The following SSBP2 variants were observed in gnomAD, a reference collection of about 807,000 sequenced individuals.
SSBP2 encodes single stranded DNA binding protein 2.
Under a neutral mutation model 61.8 loss-of-function variants are expected in SSBP2, and 17 were observed. That is an observed-to-expected ratio of 0.28 (90% confidence interval 0.19 to 0.41). The LOEUF is 0.41. SSBP2 is among the 10% of genes least tolerant of loss of function. The pLI is 1.00. For synonymous variants in SSBP2, 139 were observed against 141.3 expected (o/e 0.98, Z 0.12); for missense variants, 310 against 458.7 (o/e 0.68, Z 2.96).
chr5:81,556,691 G>A (rs1049713615), intron 4 of SSBP2, among the ~76,000 whole-genome samples: 5 of 151,928 alleles, frequency 3.3e-5, no homozygotes, highest in African/African-American at 7.3e-5. Flanking sequence ...TTCATCCCTT[G>A]CCTTGCTTAA....
chr5:81,626,563 T>A (rs1266394402), intron 3 of SSBP2, among the ~76,000 whole-genome samples: 2 of 152,250 alleles, frequency 1.3e-5, no homozygotes, highest in African/African-American at 4.8e-5. Context: ...TCCAGCAGTC[T>A]GAGCAGCATC....
intron 4 of SSBP2, among the ~76,000 whole-genome samples, chr5:81,575,193 G>A (rs1445848260): frequency 7.9e-5 from 12 of 152,130 alleles, no homozygotes; most frequent in Admixed American, 1.3e-4. Flanking sequence ...ACTTGAACTC[G>A]GGAGGTGGAG....
intron 4 of SSBP2, among the ~76,000 whole-genome samples, chr5:81,532,281 T>C (rs547024490): frequency 6.6e-5 from 10 of 152,266 alleles, no homozygotes; most frequent in African/African-American, 2.2e-4. Context: ...AATTAATTTT[T>C]GTTTTAAAAC....
chr5:81,480,396 GGT>G (rs1765897425), intron 6 of SSBP2, among the ~76,000 whole-genome samples: 1 of 152,146 alleles, frequency 6.6e-6, no homozygotes, highest in South Asian at 2.1e-4. Context: ...TAGTCTATTA[GGT>G]GTGCAATAGC....
intron 9 of SSBP2, among the ~76,000 whole-genome samples, chr5:81,465,476 T>G (rs1045377424): frequency 2.0e-5 from 3 of 151,954 alleles, no homozygotes; most frequent in African/African-American, 7.2e-5. Flanking sequence ...AGAAACAATT[T>G]TTTTCTCTGA....
At chr5:81,729,267 A>C (rs1756098739) in intron 1 of SSBP2, among the ~76,000 whole-genome samples, 2 of 152,206 alleles carry the variant, frequency 1.3e-5, no homozygotes, top group African/African-American at 4.8e-5. Context: ...TAAAAAGTTC[A>C]TCTGAACTAG....
At position 81,532,143 on chromosome 5, in the gene SSBP2, C is replaced by T. The variant is rs149761517; in HGVS notation, c.283-18426G>A. ...GAGCCAAGTTTATGTTGGAAATGTACACCTAAAAGGAAAAAGTTTATTTGA... is the reference window on the plus strand; with the variant it reads ...GAGCCAAGTTTATGTTGGAAATGTATACCTAAAAGGAAAAAGTTTATTTGA... On this transcript the variant is annotated intron_variant, in intron 4 of 16. Coordinates refer to ENST00000320672, the MANE Select transcript of SSBP2 (RefSeq NM_012446.5). 6.6e-4 allele frequency among the ~76,000 whole-genome samples: 101 copies of T among 152,080 alleles called. 1 individual carries two copies. In the East Asian group the frequency reaches 0.015, roughly 22 times the overall value.
At chr5:81,543,956 A>G (rs957008583) in intron 4 of SSBP2, among the ~76,000 whole-genome samples, 1 of 152,222 alleles carries the variant, frequency 6.6e-6, no homozygotes, top group Admixed American at 6.5e-5. Flanking sequence ...ATAATTATAA[A>G]CAATAATCTA....
At chr5:81,696,612 C>T (rs1753618220) in intron 1 of SSBP2, among the ~76,000 whole-genome samples, 1 of 152,158 alleles carries the variant, frequency 6.6e-6, no homozygotes, top group Non-Finnish European at 1.5e-5. Flanking sequence ...GTTGTTAGTT[C>T]TGGAGTTCAA....
At chr5:81,423,601 C>G (rs1761750522) in intron 16 of SSBP2, among the ~76,000 whole-genome samples, 1 of 152,048 alleles carries the variant, frequency 6.6e-6, no homozygotes, top group South Asian at 2.1e-4. Flanking sequence ...AAAAGTTAGC[C>G]AGGCGAGGTG....
intron 1 of SSBP2, among the ~76,000 whole-genome samples, chr5:81,651,080 T>A (rs1489382025): frequency 4.6e-5 from 7 of 152,154 alleles, no homozygotes; most frequent in African/African-American, 7.2e-5. Flanking sequence ...AGCTACACCA[T>A]GTGGCTCAAT....
rs1285040774 is a variant in SSBP2 at position 81,521,736 on chromosome 5, G to A, written c.283-8019C>T. On this transcript the variant is annotated intron_variant, in intron 4 of 16. Coordinates refer to ENST00000320672, the MANE Select transcript of SSBP2 (RefSeq NM_012446.5). ...AATAATGTGAACCTTTCCAATGTTC[G>A]TACTTAGTTTCTTTTTTGTTGTAAT... Among the ~76,000 whole-genome samples the A allele has an allele frequency of 3.9e-5, 6 of 151,932 alleles. No individual in the cohort carries two copies. In the East Asian group the frequency reaches 7.7e-4, roughly 20 times the overall value.
Position 81,564,254 on chromosome 5 carries a change from T to C in SSBP2, c.283-50537A>G, listed in dbSNP as rs187863432. On this transcript the variant is annotated intron_variant, in intron 4 of 16. Transcript: ENST00000320672. ...AAAAAGGCAAAAGTGTTGATGAGGA[T>C]AGGGAGAAACTGGAACCCTTGCACA... Among the ~76,000 whole-genome samples, 488 of 152,144 alleles carry C rather than the reference T, an allele frequency of 3.2e-3. 14 individuals are homozygous for C. Among genetic ancestry groups the C allele is most frequent in the Admixed American group, 0.029 (444 of 15,270 alleles).
chr5:81,738,521 G>A (rs555694259), intron 1 of SSBP2, among the ~76,000 whole-genome samples: 7 of 152,134 alleles, frequency 4.6e-5, no homozygotes, highest in South Asian at 2.1e-4. Flanking sequence ...CTTCTCCATC[G>A]CTAGGTCTTA....
chr5:81,510,103 G>A (rs1004278703), intron 5 of SSBP2, among the ~76,000 whole-genome samples: 3 of 151,954 alleles, frequency 2.0e-5, no homozygotes, highest in Admixed American at 6.6e-5. Context: ...CTTTCTCCCT[G>A]GACAATTCAT....
At chr5:81,465,593 G>T (rs1048577269) in intron 9 of SSBP2, among the ~76,000 whole-genome samples, 2 of 151,958 alleles carry the variant, frequency 1.3e-5, no homozygotes, top group Non-Finnish European at 2.9e-5. Context: ...ATTCTGGGGT[G>T]ATCATAGTAT....
intron 15 of SSBP2, among the ~76,000 whole-genome samples, chr5:81,430,165 G>A (rs1041965540): frequency 6.6e-6 from 1 of 152,028 alleles, no homozygotes; most frequent in East Asian, 1.9e-4. Flanking sequence ...ACTGTACCTT[G>A]AAAACAGGAA....
At chr5:81,723,706 G>A (rs959222040) in intron 1 of SSBP2, among the ~76,000 whole-genome samples, 11 of 151,874 alleles carry the variant, frequency 7.2e-5, no homozygotes, top group African/African-American at 2.7e-4. Context: ...CAATTATTGA[G>A]CTACATCTCA....
Position 81,428,601 on chromosome 5 carries a change from G to T in SSBP2, c.1040C>A (p.Pro347His), listed in dbSNP as rs1374493345. 2 of 1,612,644 alleles carry T rather than the reference G, an allele frequency of 1.2e-6. No individual in the cohort carries two copies. Among genetic ancestry groups the T allele is most frequent in the Middle Eastern group, 1.7e-4 (1 of 6,060 alleles). Reference sequence around the variant, plus strand: ...AATACTTACACTCTCACTCTGAAAAGGATTTAAGAAATTTCCCCCCATTTC... The same window carrying T: ...AATACTTACACTCTCACTCTGAAAATGATTTAAGAAATTTCCCCCCATTTC... Residue 347 changes from proline (P) to histidine (H), a missense_variant, in exon 16 of 17, where the codon CCT becomes CAT. Pro to His is a moderately conservative substitution (Grantham distance 77). Around this residue, in one of 4 missense-constraint regions of SSBP2, gnomAD observed 44 missense variants for 86.2 expected, o/e 0.51. Transcript: ENST00000320672.
Sources: gnomAD v4.1 joint callset for allele counts (sites outside exome capture counted in the v4.1 genomes callset) on GRCh38, gnomAD v4.1.1 for gene constraint, gnomAD v4.1.1 regional missense constraint, MANE v1.5 for transcripts, NCBI Gene and HGNC (gene_info 2026-07-23, HGNC 2026-07-21) for gene names.